The following ACP1 variants were observed in gnomAD, a reference collection of about 807,000 sequenced individuals.
The protein encoded by ACP1 is low molecular weight phosphotyrosine protein phosphatase.
ACP1 carries 23 observed loss-of-function variants against 23.4 expected under a neutral mutation model. That is an observed-to-expected ratio of 0.98 (90% CI 0.71 to 1.39). The LOEUF (loss-of-function observed/expected upper bound fraction) is 1.39, where lower values mean the gene tolerates loss of function less well. Among genes scored for constraint, ACP1 ranks in the 40% most tolerant of loss-of-function variants. The probability of loss-of-function intolerance (pLI) is 0.00; values close to 1 mark genes in which losing one functional copy is unlikely to be tolerated. For missense variants in ACP1, 180 were observed against 197.7 expected (o/e 0.91, Z 0.54); for synonymous variants, 72 against 67.2 (o/e 1.07, Z -0.35).
In ACP1 at chr2:277,389, C is replaced by A; in HGVS notation, c.*85C>A. ...TCTCAGTCGGTGTGTAATCACGTTC[C>A]AGGGCCCAAAGCCCAGCTCTTTGTT... On this transcript the variant is annotated 3_prime_UTR_variant, in exon 6 of 6. Coordinates refer to ENST00000272065, the MANE Select transcript of ACP1 (RefSeq NM_004300.4). The A allele has an allele frequency of 8.3e-7, 1 of 1,208,792 alleles. No homozygotes were observed. The highest frequency in any genetic ancestry group is 1.2e-6 in the Non-Finnish European group (1 of 812,290). The allele number at this position is 1,208,792 out of a possible 1,614,324, so 74.9% of individuals were successfully genotyped here.
chr2:267,750 C>T (rs1226784112), intron 1 of ACP1, among the ~76,000 whole-genome samples: 1 of 152,198 alleles, frequency 6.6e-6, no homozygotes, highest in African/African-American at 2.4e-5. Context: ...ATACACTGGT[C>T]CTTTAGGGCA....
At position 275,126 on chromosome 2, in the gene ACP1, T is replaced by C. The variant is rs1368836845; in HGVS notation, c.232-14T>C. 1 of 1,431,312 alleles carries C rather than the reference T, an allele frequency of 7.0e-7. No homozygotes were observed. The highest frequency in any genetic ancestry group is 1.3e-5 in the South Asian group (1 of 77,068). 88.7% of individuals were successfully genotyped at this position (1,431,312 alleles called of 1,614,324 possible). A position where few individuals can be genotyped will look rare whatever the true frequency, so the allele number is the denominator to read the frequency against. ...GGTATAAACACTGTGTTTTGACTTC[T>C]TATTCAATTTTAGATTACCAAAGAA... On this transcript the variant is annotated splice_polypyrimidine_tract_variant and intron_variant, in intron 3 of 5. Coordinates refer to ENST00000272065, the MANE Select transcript of ACP1 (RefSeq NM_004300.4).
At chr2:274,660 C>T (rs577851114) in intron 3 of ACP1, 1 of 152,398 alleles carries the variant, frequency 6.6e-6, no homozygotes, top group East Asian at 1.9e-4. Context: ...TGCTTTATTT[C>T]CTCCAGGGCA....
In ACP1 at chr2:265,010, A is replaced by G. The variant is rs201289787; in HGVS notation, c.43+3A>G. ...GTCCGTGCTGTTTGTGTGTCTGGGT[A>G]AGAGGGCGCCGACTTACTCATGTTC... On this transcript the variant is annotated splice_donor_region_variant and intron_variant, in intron 1 of 5. Transcript: ENST00000272065. The G allele has an allele frequency of 9.5e-5, 154 of 1,612,922 alleles. 1 individual carries two copies. In the African/African-American group the frequency reaches 1.6e-3, roughly 17 times the overall value.
At chr2:265,029 C>G (rs1423422100) in intron 1 of ACP1, 22 bp downstream of exon 1, 1 of 1,611,736 alleles carries the variant, frequency 6.2e-7, no homozygotes, top group Non-Finnish European at 8.5e-7. Context: ...CCGACTTACT[C>G]ATGTTCTGAC....
intron 1 of ACP1, among the ~76,000 whole-genome samples, chr2:268,919 C>G (rs892298240): frequency 3.3e-5 from 5 of 152,176 alleles, no homozygotes; most frequent in East Asian, 3.8e-4. Flanking sequence ...GTTAATAATG[C>G]AAGTTTTCAT....
At chr2:272,231 G>A (rs760536912) in intron 3 of ACP1, 81 bp downstream of exon 3, 1 of 1,614,142 alleles carries the variant, frequency 6.2e-7, no homozygotes, top group Non-Finnish European at 8.5e-7. Flanking sequence ...CTGGAACGTG[G>A]GCCGGTCCCC....
chr2:269,008 A>G (rs1669963765), intron 1 of ACP1, among the ~76,000 whole-genome samples: 1 of 152,224 alleles, frequency 6.6e-6, no homozygotes, highest in Admixed American at 6.5e-5. Context: ...TCTTTATTAT[A>G]TTTTTAGATG....
chr2:273,950 T>C (rs1670108204), intron 3 of ACP1, among the ~76,000 whole-genome samples: 1 of 152,160 alleles, frequency 6.6e-6, no homozygotes, highest in South Asian at 2.1e-4. Context: ...TGCTTGAGCC[T>C]AGGAGGTCAA....
At position 272,144 on chromosome 2, in the gene ACP1, C is replaced by T; in HGVS notation, c.225C>T (p.Ala75=). The change falls in exon 3 of 6, where the codon GCC becomes GCT. Residue 75 remains alanine, a synonymous_variant. Coordinates refer to ENST00000272065, the MANE Select transcript of ACP1 (RefSeq NM_004300.4). ...ACGGCATTCCCATGAGCCACGTTGCCCGGCAGGTACCGTCCTTGGACTTGA... is the reference window on the plus strand; with the variant it reads ...ACGGCATTCCCATGAGCCACGTTGCTCGGCAGGTACCGTCCTTGGACTTGA... ...KRHGIPMSHV[A]RQITKEDFAT... is the part of the protein sequence containing the mutation. 12 of 1,614,206 alleles carry T rather than the reference C, an allele frequency of 7.4e-6. No individual in the cohort carries two copies. The highest frequency in any genetic ancestry group is 9.3e-6 in the Non-Finnish European group (11 of 1,180,046).
intron 4 of ACP1, among the ~76,000 whole-genome samples, chr2:276,660 T>A (rs1670181671): frequency 6.6e-6 from 1 of 152,198 alleles, no homozygotes; most frequent in South Asian, 2.1e-4. Context: ...GATGGTGTTT[T>A]GGGTTCCTTT....
intron 1 of ACP1, 66 bp downstream of exon 1, chr2:265,073 G>A: frequency 6.3e-7 from 1 of 1,595,036 alleles, no homozygotes; most frequent in Admixed American, 1.7e-5. Flanking sequence ...CTTGTGCGCT[G>A]TAGGTTGTGC....
chr2:273,853 A>G (rs909150594), intron 3 of ACP1, among the ~76,000 whole-genome samples: 1 of 152,226 alleles, frequency 6.6e-6, no homozygotes, highest in African/African-American at 2.4e-5. Flanking sequence ...AATTTCTCAC[A>G]TAACTAATTT....
chr2:276,533 A>C (rs1447753108), intron 4 of ACP1, among the ~76,000 whole-genome samples: 1 of 152,208 alleles, frequency 6.6e-6, no homozygotes, highest in Non-Finnish European at 1.5e-5. Context: ...CAGCTTGGGC[A>C]GAGGCTTAAG....
intron 1 of ACP1, among the ~76,000 whole-genome samples, chr2:266,897 C>T (rs1398134837): frequency 1.3e-5 from 2 of 151,950 alleles, no homozygotes; most frequent in Non-Finnish European, 2.9e-5. Context: ...CTTCACTACT[C>T]TTATGATTTC....
rs1358653148 is a variant in ACP1 at position 271,948 on chromosome 2, C to T, written c.117+9C>T. 19 of 1,610,018 alleles carry T rather than the reference C, an allele frequency of 1.2e-5. No individual in the cohort carries two copies. The highest frequency in any genetic ancestry group is 1.5e-5 in the Non-Finnish European group (18 of 1,177,332). ...AAAACATCTCAGAGAATGTAAGTAC[C>T]ATTCATTATCTTAAAGAGGCCAACC... On this transcript the variant is annotated intron_variant, in intron 2 of 5. Transcript: ENST00000272065.
chr2:265,103 A>C (rs534433804), intron 1 of ACP1, 96 bp downstream of exon 1: 15 of 1,485,070 alleles, frequency 1.0e-5, no homozygotes, highest in Admixed American at 3.6e-5. Flanking sequence ...AGGAACCATG[A>C]GGGGGAGGAG....
At chr2:276,882 T>A in intron 4 of ACP1, 98 bp from the exon 5 acceptor site, 1 of 741,782 alleles carries the variant, frequency 1.3e-6, no homozygotes, top group Non-Finnish European at 2.3e-6. Flanking sequence ...TCATTCTGTC[T>A]TGATTTTGAT....
chr2:270,727 G>A (rs1282954695), intron 1 of ACP1, among the ~76,000 whole-genome samples: 3 of 152,106 alleles, frequency 2.0e-5, no homozygotes, highest in African/African-American at 7.2e-5. Flanking sequence ...TTCCTGGGTT[G>A]GCAGTGCTCT....
Sources: gnomAD v4.1 joint callset for allele counts (sites outside exome capture counted in the v4.1 genomes callset) on GRCh38, gnomAD v4.1.1 for gene constraint, MANE v1.5 for transcripts, NCBI Gene and HGNC (gene_info 2026-07-23, HGNC 2026-07-21) for gene names.